ARSB: variants seen among roughly 807,000 people sequenced by gnomAD.
ARSB encodes arylsulfatase B.
In ARSB, 41 loss-of-function variants were observed where a neutral mutation model predicts 50.9. The ratio of observed to expected loss-of-function variants is 0.81; its 90% CI spans 0.63 to 1.04. The LOEUF (loss-of-function observed/expected upper bound fraction) is 1.04. Among genes scored for constraint, ARSB ranks in the 50% least tolerant of loss-of-function variants. The probability of loss-of-function intolerance (pLI) is 0.00; values close to 1 mark genes in which losing one functional copy is unlikely to be tolerated. For missense variants in ARSB, 672 were observed against 693.3 expected (o/e 0.97, Z 0.35); for synonymous variants, 269 against 284.8 (o/e 0.94, Z 0.56).
chr5:78,843,105 A>C (rs1745299443), intron 5 of ARSB, among the ~76,000 whole-genome samples: 1 of 152,196 alleles, frequency 6.6e-6, no homozygotes. Context: ...TCTCCAGATG[A>C]TTCCAATGTG....
chr5:78,935,860 C>T (rs1750556237), intron 4 of ARSB, among the ~76,000 whole-genome samples: 1 of 151,892 alleles, frequency 6.6e-6, no homozygotes, highest in Non-Finnish European at 1.5e-5. Flanking sequence ...AGGCCATCTG[C>T]CTCCTGAGTA....
chr5:78,885,353 T>C (rs1747961830), intron 5 of ARSB: 2 of 613,686 alleles, frequency 3.3e-6, no homozygotes, highest in Non-Finnish European at 2.6e-6. Context: ...TGGAGGGCGA[T>C]GGGCTGAGGA....
Position 78,870,315 on chromosome 5 carries a change from G to A in ARSB, c.1142+15269C>T, listed in dbSNP as rs528508207. Among the ~76,000 whole-genome samples, 146 of 83,678 alleles carry A rather than the reference G, an allele frequency of 1.7e-3. 49 individuals are homozygous for A. Among genetic ancestry groups the A allele is most frequent in the African/African-American group, 7.3e-3 (146 of 20,136 alleles). 54.9% of individuals were successfully genotyped at this position (83,678 alleles called of 152,430 possible). ...GAGAATCCTCCCTAACTCATTTTAT[G>A]AGTCCAGCATCATCCTGATACCAAA... is the stretch of plus-strand genomic sequence containing the variant. On this transcript the variant is annotated intron_variant, in intron 5 of 7. Transcript: ENST00000264914.
At chr5:78,941,300 G>A (rs1356917315) in intron 4 of ARSB, among the ~76,000 whole-genome samples, 7 of 150,144 alleles carry the variant, frequency 4.7e-5, no homozygotes, top group Non-Finnish European at 1.0e-4. Context: ...TAATTGCCCT[G>A]GCCAGAACTT....
chr5:78,797,629 C>T (rs1181291828), intron 6 of ARSB, among the ~76,000 whole-genome samples: 1 of 152,230 alleles, frequency 6.6e-6, no homozygotes, highest in East Asian at 1.9e-4. Context: ...TACCTACTCT[C>T]TCTGGCTCCA....
At chr5:78,852,223 G>A (rs1745839682) in intron 5 of ARSB, among the ~76,000 whole-genome samples, 1 of 151,196 alleles carries the variant, frequency 6.6e-6, no homozygotes, top group East Asian at 2.0e-4. Context: ...CATGTTTAGT[G>A]CTTCAGGAGC....
intron 6 of ARSB, among the ~76,000 whole-genome samples, chr5:78,800,373 C>T (rs529114060): frequency 1.3e-4 from 19 of 151,128 alleles, no homozygotes; most frequent in African/African-American, 4.1e-4. Context: ...AAGCTGTGCA[C>T]AGAGGCTGGA....
At position 78,984,951 on chromosome 5, in the gene ARSB, T is replaced by A. The variant is rs1478745008; in HGVS notation, c.298A>T (p.Thr100Ser). The A allele has an allele frequency of 2.1e-6, 3 of 1,448,140 alleles. No individual in the cohort carries two copies. Among genetic ancestry groups the A allele is most frequent in the Non-Finnish European group, 2.7e-6 (3 of 1,097,560 alleles). 89.7% of individuals were successfully genotyped at this position (1,448,140 alleles called of 1,614,324 possible). A position where few individuals can be genotyped will look rare whatever the true frequency, so the allele number is the denominator to read the frequency against. Residue 100 changes from threonine (T) to serine (S), a missense_variant, in exon 1 of 8, where the codon ACT becomes TCT. Thr to Ser is a moderately conservative substitution (Grantham distance 58, BLOSUM62 1). Coordinates refer to ENST00000264914, the MANE Select transcript of ARSB (RefSeq NM_000046.5). ...GCGCCGCGTACCTGGTAGCGGCCAG[T>A]GAGCAGCTGGCTCCGCGACGGCGTG... ...LCTPSRSQLL[T>S]GRYQIRTGLQ... is the part of the protein sequence containing the mutation.
intron 4 of ARSB, among the ~76,000 whole-genome samples, chr5:78,947,773 C>T (rs1484382069): frequency 6.6e-6 from 1 of 152,166 alleles, no homozygotes; most frequent in Non-Finnish European, 1.5e-5. Flanking sequence ...CCAGTAATCC[C>T]ACTGCTAAGT....
intron 6 of ARSB, among the ~76,000 whole-genome samples, chr5:78,788,531 A>G (rs1749155366): frequency 6.6e-6 from 1 of 152,010 alleles, no homozygotes; most frequent in Non-Finnish European, 1.5e-5. Context: ...ACAGAGTTCA[A>G]CTCCTTAAGG....
intron 1 of ARSB, among the ~76,000 whole-genome samples, chr5:78,970,379 T>C (rs969042828): frequency 1.2e-3 from 179 of 152,330 alleles, no homozygotes; most frequent in African/African-American, 4.2e-3. Context: ...GCTTTTTTCA[T>C]AAGTTATTTA....
At chr5:78,851,822 C>G (rs1024207470) in intron 5 of ARSB, among the ~76,000 whole-genome samples, 98 of 152,182 alleles carry the variant, frequency 6.4e-4, no homozygotes, top group African/African-American at 2.3e-3. Flanking sequence ...TAATGGCCTT[C>G]TTTGTCTCTT....
intron 4 of ARSB, among the ~76,000 whole-genome samples, chr5:78,921,463 A>G (rs1331828171): frequency 1.3e-5 from 2 of 152,214 alleles, no homozygotes; most frequent in Non-Finnish European, 2.9e-5. Context: ...ACATCTCATC[A>G]ATAACTTTTT....
At chr5:78,882,508 T>C (rs1235314901) in intron 5 of ARSB, among the ~76,000 whole-genome samples, 1 of 152,172 alleles carries the variant, frequency 6.6e-6, no homozygotes, top group African/African-American at 2.4e-5. Flanking sequence ...AAACAGTTCA[T>C]GTAGAAAGAG....
At chr5:78,886,406 T>C (rs1431507701) in intron 4 of ARSB, among the ~76,000 whole-genome samples, 1 of 152,246 alleles carries the variant, frequency 6.6e-6, no homozygotes, top group African/African-American at 2.4e-5. Context: ...TAAATGTCTC[T>C]GTAAACAGAA....
At chr5:78,971,180 G>C (rs1197903730) in intron 1 of ARSB, among the ~76,000 whole-genome samples, 1 of 152,192 alleles carries the variant, frequency 6.6e-6, no homozygotes, top group African/African-American at 2.4e-5. Context: ...TCTTGTGCTG[G>C]TGGGTGCCAC....
At chr5:78,858,302 T>C (rs1170708917) in intron 5 of ARSB, among the ~76,000 whole-genome samples, 1 of 152,244 alleles carries the variant, frequency 6.6e-6, no homozygotes, top group Non-Finnish European at 1.5e-5. Flanking sequence ...AAGTAGTATA[T>C]CATTGTCTCT....
intron 3 of ARSB, among the ~76,000 whole-genome samples, chr5:78,959,677 C>A (rs1427383075): frequency 6.6e-6 from 1 of 152,096 alleles, no homozygotes. Flanking sequence ...ATATTTCCAT[C>A]CCATACTACA....
At chr5:78,979,885 C>G (rs336521) in intron 1 of ARSB, among the ~76,000 whole-genome samples, 1 of 152,222 alleles carries the variant, frequency 6.6e-6, no homozygotes, top group East Asian at 1.9e-4. Context: ...AGCCAAAAAG[C>G]GCAAACAACC....
Sources: gnomAD v4.1 joint callset for allele counts (sites outside exome capture counted in the v4.1 genomes callset) on GRCh38, gnomAD v4.1.1 for gene constraint, MANE v1.5 for transcripts, NCBI Gene and HGNC (gene_info 2026-07-23, HGNC 2026-07-21) for gene names.